PCDH11Y: variants seen among roughly 807,000 people sequenced by gnomAD.
The protein encoded by PCDH11Y is protocadherin-11 Y-linked.
For missense variants in PCDH11Y, 12 were observed against 224.8 expected (o/e 0.05, Z 6.05); for synonymous variants, 9 against 83.6 (o/e 0.11, Z 4.87).
At chrY:5,162,161 A>G (rs2052875124) in intron 2 of PCDH11Y, among the ~76,000 whole-genome samples, 44 of 33,170 alleles carry the variant, frequency 1.3e-3, no homozygotes, top group African/African-American at 5.2e-3. Context: ...GCCATCCAGT[A>G]GTATTACAGA....
chrY:5,192,379 A>G (rs2052913512), intron 2 of PCDH11Y, among the ~76,000 whole-genome samples: 1 of 33,385 alleles, frequency 3.0e-5, no homozygotes, highest in Non-Finnish European at 7.4e-5. Context: ...ATATGAGTAC[A>G]AATTTTAAAT....
chrY:5,120,159 A>C, intron 2 of PCDH11Y, among the ~76,000 whole-genome samples: 1 of 32,574 alleles, frequency 3.1e-5, no homozygotes, highest in Admixed American at 2.9e-4. Context: ...TCATCTTTCT[A>C]GTGATATCAA....
At chrY:5,337,036 A>T in intron 2 of PCDH11Y, among the ~76,000 whole-genome samples, 1 of 33,108 alleles carries the variant, frequency 3.0e-5, no homozygotes, top group Non-Finnish European at 7.4e-5. Flanking sequence ...TTCAATAGGC[A>T]TGTTCACTTT....
intron 2 of PCDH11Y, among the ~76,000 whole-genome samples, chrY:5,123,814 G>C: frequency 3.0e-5 from 1 of 32,997 alleles, no homozygotes; most frequent in African/African-American, 1.2e-4. Flanking sequence ...ATCTTACAAA[G>C]ATAACTAATT....
At chrY:5,293,012 G>T in intron 2 of PCDH11Y, among the ~76,000 whole-genome samples, 1 of 31,016 alleles carries the variant, frequency 3.2e-5, no homozygotes, top group Non-Finnish European at 7.9e-5. Flanking sequence ...TTGACCCACT[G>T]ACTCACTGAT....
chrY:5,708,643 T>C, intron 4 of PCDH11Y, among the ~76,000 whole-genome samples: 2 of 33,121 alleles, frequency 6.0e-5, no homozygotes, highest in Non-Finnish European at 1.5e-4. Context: ...AAACATACAA[T>C]GGATACACAA....
intron 3 of PCDH11Y, among the ~76,000 whole-genome samples, chrY:5,565,979 G>GT (rs1470139323): frequency 7.2e-4 from 14 of 19,463 alleles, no homozygotes; most frequent in South Asian, 2.5e-3. Context: ...ATATATATAT[G>GT]TTTTTTTTTT....
intron 2 of PCDH11Y, among the ~76,000 whole-genome samples, chrY:5,456,891 T>C: frequency 9.2e-5 from 3 of 32,720 alleles, no homozygotes; most frequent in African/African-American, 3.6e-4. Flanking sequence ...CTGGGTGATG[T>C]GTTCATTCAT....
At chrY:5,444,386 A>G (rs2053285597) in intron 2 of PCDH11Y, among the ~76,000 whole-genome samples, 1 of 33,159 alleles carries the variant, frequency 3.0e-5, no homozygotes, top group African/African-American at 1.2e-4. Context: ...AACCTGTGTC[A>G]GAAGAAAATT....
intron 2 of PCDH11Y, among the ~76,000 whole-genome samples, chrY:5,212,096 G>T: frequency 3.1e-5 from 1 of 32,654 alleles, no homozygotes; most frequent in African/African-American, 1.2e-4. Flanking sequence ...AATTTCTCAG[G>T]TTGGTATTTT....
At chrY:5,217,867 G>A (rs2052948415) in intron 2 of PCDH11Y, among the ~76,000 whole-genome samples, 1 of 33,982 alleles carries the variant, frequency 2.9e-5, no homozygotes, top group Non-Finnish European at 7.3e-5. Context: ...TTCCCAATGT[G>A]ATGTGTTAAC....
At chrY:5,595,778 T>G in intron 4 of PCDH11Y, among the ~76,000 whole-genome samples, 1 of 33,497 alleles carries the variant, frequency 3.0e-5, no homozygotes, top group African/African-American at 1.2e-4. Context: ...CTCTGTTTAG[T>G]AAAGTCTAAC....
intron 4 of PCDH11Y, among the ~76,000 whole-genome samples, chrY:5,675,958 G>A: frequency 3.4e-5 from 1 of 29,158 alleles, no homozygotes; most frequent in Non-Finnish European, 8.2e-5. Flanking sequence ...ACTAGGCAGT[G>A]CCCCAAAGGG....
At chrY:5,594,497 G>A in intron 4 of PCDH11Y, among the ~76,000 whole-genome samples, 1 of 32,565 alleles carries the variant, frequency 3.1e-5, no homozygotes, top group African/African-American at 1.2e-4. Context: ...CACACACACC[G>A]AGGGGACACG....
At chrY:5,408,292 TGTATTA>T (rs2053243065) in intron 2 of PCDH11Y, among the ~76,000 whole-genome samples, 1 of 33,341 alleles carries the variant, frequency 3.0e-5, no homozygotes, top group African/African-American at 1.2e-4. Context: ...TGGGGCACAA[TGTATTA>T]TAATAATGTA....
intron 1 of PCDH11Y, among the ~76,000 whole-genome samples, chrY:5,012,595 A>G (rs2052552164): frequency 3.4e-5 from 1 of 29,701 alleles, no homozygotes; most frequent in Non-Finnish European, 7.9e-5. Flanking sequence ...AAACCATACC[A>G]TTTAAGCATA....
intron 2 of PCDH11Y, among the ~76,000 whole-genome samples, chrY:5,239,522 T>C: frequency 3.1e-5 from 1 of 32,266 alleles, no homozygotes. Context: ...CATGTATACA[T>C]ATGGAACAAA....
chrY:5,287,874 C>T (rs2053062238), intron 2 of PCDH11Y, among the ~76,000 whole-genome samples: 1 of 28,948 alleles, frequency 3.5e-5, no homozygotes. Flanking sequence ...TGTAACAAAG[C>T]TGCACATTCT....
intron 1 of PCDH11Y, among the ~76,000 whole-genome samples, chrY:5,013,556 G>C: frequency 3.0e-5 from 1 of 32,932 alleles, no homozygotes; most frequent in Admixed American, 2.8e-4. Flanking sequence ...AAATGTCTAA[G>C]TACTTACAAT....
Sources: gnomAD v4.1 joint callset for allele counts (sites outside exome capture counted in the v4.1 genomes callset) on GRCh38, gnomAD v4.1.1 for gene constraint, MANE v1.5 for transcripts, NCBI Gene and HGNC (gene_info 2026-07-23, HGNC 2026-07-21) for gene names.